KCND2: variants seen among roughly 807,000 people sequenced by gnomAD.
The protein encoded by KCND2 is A-type voltage-gated potassium channel KCND2.
A neutral mutation model predicts 54.4 loss-of-function variants in KCND2; 16 were observed. That is an observed-to-expected ratio of 0.29 (90% CI 0.20 to 0.45). KCND2 has a LOEUF of 0.45. KCND2 is among the 20% of genes least tolerant of loss of function. KCND2 has a pLI of 1.00. For missense variants in KCND2, 486 were observed against 824.2 expected, an observed-to-expected ratio of 0.59 and a Z score of 5.02; for synonymous variants, 317 against 310.7, an observed-to-expected ratio of 1.02 and a Z score of -0.21.
At chr7:120,637,939 A>G (rs1351433126) in intron 1 of KCND2, among the ~76,000 whole-genome samples, 1 of 152,072 alleles carries the variant, frequency 6.6e-6, no homozygotes, top group Non-Finnish European at 1.5e-5. Flanking sequence ...AGAAACCAAC[A>G]CTGGAAGATA....
chr7:120,705,966 G>A (rs1318584189), intron 1 of KCND2, among the ~76,000 whole-genome samples: 3 of 151,998 alleles, frequency 2.0e-5, no homozygotes, highest in Non-Finnish European at 4.4e-5. Flanking sequence ...TGCCCACAGA[G>A]GGTCCTTTAT....
At chr7:120,599,975 C>A (rs991502040) in intron 1 of KCND2, among the ~76,000 whole-genome samples, 1 of 150,536 alleles carries the variant, frequency 6.6e-6, no homozygotes, top group Non-Finnish European at 1.5e-5. Flanking sequence ...CCTTCTATTT[C>A]TATATTGCTG....
chr7:120,393,330 A>T (rs968365810), intron 1 of KCND2, among the ~76,000 whole-genome samples: 1 of 152,042 alleles, frequency 6.6e-6, no homozygotes, highest in Admixed American at 6.6e-5. Flanking sequence ...CGGGAGCACC[A>T]TTAATGTTAG....
chr7:120,471,881 A>G (rs1025470697), intron 1 of KCND2, among the ~76,000 whole-genome samples: 1 of 152,012 alleles, frequency 6.6e-6, no homozygotes, highest in African/African-American at 2.4e-5. Flanking sequence ...TAAGAAAAGC[A>G]ATGACAAATT....
intron 1 of KCND2, among the ~76,000 whole-genome samples, chr7:120,655,355 G>T (rs1333400657): frequency 6.6e-6 from 1 of 151,872 alleles, no homozygotes; most frequent in Non-Finnish European, 1.5e-5. Flanking sequence ...CAGGACCCTT[G>T]GGATGCCAGC....
intron 1 of KCND2, among the ~76,000 whole-genome samples, chr7:120,305,944 A>G (rs896710226): frequency 6.6e-6 from 1 of 152,200 alleles, no homozygotes; most frequent in African/African-American, 2.4e-5. Context: ...CACCTTTGGC[A>G]AGTTTCCTAA....
chr7:120,273,202 G>A lies in KCND2; in HGVS notation c.-1431G>A, dbSNP rs920307268. Among the ~76,000 whole-genome samples, 11 of 152,118 alleles carry A rather than the reference G, an allele frequency of 7.2e-5. No homozygotes were observed. Among genetic ancestry groups the A allele is most frequent in the Admixed American group, 1.3e-4 (2 of 15,280 alleles). ...AACCTGCGTGGCGGGGCGTGCGCGC[G>A]GTTATTTATTTATTTTCTCCTTATT... On this transcript the variant is annotated 5_prime_UTR_variant, in exon 1 of 6. Transcript: ENST00000331113.
intron 1 of KCND2, among the ~76,000 whole-genome samples, chr7:120,553,796 C>T (rs1439638490): frequency 6.6e-6 from 1 of 152,164 alleles, no homozygotes; most frequent in Non-Finnish European, 1.5e-5. Context: ...GAATTATATA[C>T]AGGAGAAAAC....
At chr7:120,395,499 G>A (rs1336849115) in intron 1 of KCND2, among the ~76,000 whole-genome samples, 1 of 151,920 alleles carries the variant, frequency 6.6e-6, no homozygotes. Flanking sequence ...AGAGTTCTTG[G>A]CTTCACCAGG....
chr7:120,396,594 G>A (rs997785433), intron 1 of KCND2, among the ~76,000 whole-genome samples: 2 of 151,870 alleles, frequency 1.3e-5, no homozygotes, highest in East Asian at 1.9e-4. Flanking sequence ...TTCTACTAAC[G>A]TTGGAAAACA....
intron 1 of KCND2, among the ~76,000 whole-genome samples, chr7:120,402,756 A>G (rs902851754): frequency 2.6e-5 from 4 of 152,158 alleles, no homozygotes; most frequent in Admixed American, 1.3e-4. Flanking sequence ...TTAATTTTAT[A>G]TTATCTTTTT....
intron 1 of KCND2, among the ~76,000 whole-genome samples, chr7:120,639,669 G>C (rs116332764): frequency 0.011 from 1,641 of 152,256 alleles, 9 homozygotes; most frequent in Non-Finnish European, 0.015. Flanking sequence ...TGCTAATATT[G>C]AGTAGCATAT....
At chr7:120,504,786 A>G (rs1322246412) in intron 1 of KCND2, among the ~76,000 whole-genome samples, 1 of 151,812 alleles carries the variant, frequency 6.6e-6, no homozygotes, top group African/African-American at 2.4e-5. Flanking sequence ...AGATCTTTAC[A>G]ATACACAGAT....
chr7:120,460,005 C>A (rs1802261529), intron 1 of KCND2, among the ~76,000 whole-genome samples: 1 of 152,134 alleles, frequency 6.6e-6, no homozygotes, highest in Non-Finnish European at 1.5e-5. Context: ...TTTTTTCCTA[C>A]TAATGATTCT....
chr7:120,514,136 A>G (rs1337625485), intron 1 of KCND2, among the ~76,000 whole-genome samples: 1 of 152,092 alleles, frequency 6.6e-6, no homozygotes, highest in East Asian at 1.9e-4. Context: ...TAATGCTTAC[A>G]AGGTATAAGT....
chr7:120,601,503 C>A (rs958526065), intron 1 of KCND2, among the ~76,000 whole-genome samples: 3 of 152,078 alleles, frequency 2.0e-5, no homozygotes, highest in African/African-American at 7.2e-5. Context: ...GTTTTGAAGA[C>A]ACAGCTGACT....
intron 1 of KCND2, among the ~76,000 whole-genome samples, chr7:120,381,272 A>G (rs1201387307): frequency 6.6e-6 from 1 of 152,094 alleles, no homozygotes; most frequent in Non-Finnish European, 1.5e-5. Flanking sequence ...TTAAATAAAC[A>G]AATAAAGATA....
At chr7:120,304,237 G>A (rs2116301016) in intron 1 of KCND2, among the ~76,000 whole-genome samples, 1 of 152,178 alleles carries the variant, frequency 6.6e-6, no homozygotes, top group Non-Finnish European at 1.5e-5. Context: ...TTTAATCATT[G>A]CAAACATATA....
intron 1 of KCND2, among the ~76,000 whole-genome samples, chr7:120,609,500 G>A (rs2116484472): frequency 6.6e-6 from 1 of 152,254 alleles, no homozygotes; most frequent in East Asian, 1.9e-4. Context: ...CAGTGTGGAT[G>A]TCTTGACGTC....
Sources: allele counts gnomAD v4.1 joint callset (sites outside exome capture counted in the v4.1 genomes callset), GRCh38; gene constraint gnomAD v4.1.1; transcripts MANE v1.5; gene names NCBI Gene and HGNC (gene_info 2026-07-23, HGNC 2026-07-21).